TMTC1: variants seen among roughly 807,000 people sequenced by gnomAD.
TMTC1 encodes protein O-mannosyl-transferase TMTC1.
In TMTC1, 73 loss-of-function variants were observed where a neutral mutation model predicts 104.8. The ratio of observed to expected loss-of-function variants is 0.70; its 90% CI spans 0.58 to 0.85. TMTC1 has a LOEUF of 0.85. Ranked by LOEUF, TMTC1 falls within the 40% of genes least tolerant of loss-of-function variation. The pLI is 0.00. For missense variants in TMTC1, 1,035 were observed against 1,096.1 expected, an observed-to-expected ratio of 0.94 and a Z score of 0.79; for synonymous variants, 434 against 428.7, an observed-to-expected ratio of 1.01 and a Z score of -0.15.
intron 5 of TMTC1, among the ~76,000 whole-genome samples, chr12:29,668,624 C>G (rs1285038897): frequency 6.6e-6 from 1 of 152,062 alleles, no homozygotes; most frequent in East Asian, 1.9e-4. Flanking sequence ...CCATGCCTGG[C>G]TAATTTTTGT....
At chr12:29,713,476 C>T (rs1285943832) in intron 5 of TMTC1, among the ~76,000 whole-genome samples, 2 of 152,026 alleles carry the variant, frequency 1.3e-5, no homozygotes, top group Non-Finnish European at 2.9e-5. Context: ...TAACATCATG[C>T]ACTGACCATT....
At chr12:29,748,123 T>C (rs938921147) in intron 5 of TMTC1, among the ~76,000 whole-genome samples, 5 of 152,284 alleles carry the variant, frequency 3.3e-5, no homozygotes, top group Middle Eastern at 3.4e-3. Flanking sequence ...CAACTTTCCA[T>C]TGGGGGAAGA....
At chr12:29,655,456 T>C (rs1471643868) in intron 5 of TMTC1, among the ~76,000 whole-genome samples, 1 of 152,218 alleles carries the variant, frequency 6.6e-6, no homozygotes, top group African/African-American at 2.4e-5. Context: ...ACAACTATCA[T>C]GTTTCTGTAC....
intron 7 of TMTC1, among the ~76,000 whole-genome samples, chr12:29,591,849 T>C (rs1211784574): frequency 3.3e-5 from 5 of 152,230 alleles, no homozygotes; most frequent in South Asian, 4.1e-4. Context: ...AGCAGCGAAT[T>C]GTTGTGTAAT....
chr12:29,714,362 A>G (rs1057248962), intron 5 of TMTC1, among the ~76,000 whole-genome samples: 5 of 152,234 alleles, frequency 3.3e-5, no homozygotes, highest in African/African-American at 9.6e-5. Flanking sequence ...GGAATATTAA[A>G]AAGACATATA....
intron 13 of TMTC1, among the ~76,000 whole-genome samples, chr12:29,518,254 C>A (rs984209249): frequency 4.6e-5 from 7 of 152,166 alleles, no homozygotes. Flanking sequence ...TAAATTTCAA[C>A]CTTGGTTCAG....
At chr12:29,741,788 C>T (rs954955514) in intron 5 of TMTC1, among the ~76,000 whole-genome samples, 16 of 152,184 alleles carry the variant, frequency 1.1e-4, no homozygotes, top group Admixed American at 9.2e-4. Flanking sequence ...ACCATGATTA[C>T]GTCTACATTT....
intron 6 of TMTC1, among the ~76,000 whole-genome samples, chr12:29,604,644 A>G (rs1946651143): frequency 6.6e-6 from 1 of 152,194 alleles, no homozygotes; most frequent in African/African-American, 2.4e-5. Context: ...CAGACACCCC[A>G]TTCTCAAAGA....
At chr12:29,777,986 T>G (rs1943751344) in intron 1 of TMTC1, among the ~76,000 whole-genome samples, 1 of 152,240 alleles carries the variant, frequency 6.6e-6, no homozygotes, top group Non-Finnish European at 1.5e-5. Flanking sequence ...CTTATTTTCA[T>G]GGTTGGCATA....
intron 7 of TMTC1, among the ~76,000 whole-genome samples, chr12:29,584,615 C>T (rs779480350): frequency 2.1e-4 from 32 of 151,958 alleles, no homozygotes; most frequent in African/African-American, 6.0e-4. Flanking sequence ...ACAACAGTCC[C>T]GGTGTGTGAT....
At chr12:29,753,448 C>T (rs574409138) in intron 4 of TMTC1, among the ~76,000 whole-genome samples, 2 of 152,312 alleles carry the variant, frequency 1.3e-5, no homozygotes, top group South Asian at 2.1e-4. Context: ...TGGAGCCACG[C>T]GGACATGGGT....
At chr12:29,628,242 G>A (rs1287822529) in intron 6 of TMTC1, among the ~76,000 whole-genome samples, 3 of 152,136 alleles carry the variant, frequency 2.0e-5, no homozygotes, top group African/African-American at 2.4e-5. Context: ...GGATGGTGGT[G>A]GAGTTTTTCT....
intron 5 of TMTC1, among the ~76,000 whole-genome samples, chr12:29,653,468 T>C (rs1216703420): frequency 6.6e-6 from 1 of 152,186 alleles, no homozygotes; most frequent in Non-Finnish European, 1.5e-5. Flanking sequence ...GACAACTAAA[T>C]GGACAATTGG....
intron 17 of TMTC1, 82 bp downstream of exon 17, chr12:29,511,960 TC>T: frequency 7.8e-7 from 1 of 1,283,736 alleles, no homozygotes. Flanking sequence ...TAACAATAGT[TC>T]CTCAATCCTT....
At chr12:29,609,779 C>A (rs985775018) in intron 6 of TMTC1, 1 of 152,444 alleles carries the variant, frequency 6.6e-6, no homozygotes, top group African/African-American at 2.4e-5. Flanking sequence ...GAGCTCTGCA[C>A]AAATGTGCCT....
intron 5 of TMTC1, among the ~76,000 whole-genome samples, chr12:29,716,971 A>C (rs1942101929): frequency 6.6e-6 from 1 of 152,212 alleles, no homozygotes; most frequent in African/African-American, 2.4e-5. Context: ...GCCGAGATCG[A>C]GCCACTGCAC....
At chr12:29,598,331 T>A (rs539521473) in intron 7 of TMTC1, among the ~76,000 whole-genome samples, 49 of 152,292 alleles carry the variant, frequency 3.2e-4, no homozygotes, top group African/African-American at 1.1e-3. Context: ...CAGAGGTAAT[T>A]TTTCTCCTTT....
At chr12:29,719,301 C>T (rs558441956) in intron 5 of TMTC1, among the ~76,000 whole-genome samples, 27 of 152,214 alleles carry the variant, frequency 1.8e-4, no homozygotes, top group South Asian at 6.2e-4. Flanking sequence ...TAGCACTGAG[C>T]TCTTATTTCT....
chr12:29,746,825 G>A (rs76008846), intron 5 of TMTC1, among the ~76,000 whole-genome samples: 10,939 of 152,056 alleles, frequency 0.072, 618 homozygotes, highest in East Asian at 0.25. Context: ...CCATTATCTC[G>A]CCCACAGAAG....
Sources: gnomAD v4.1 joint callset for allele counts (sites outside exome capture counted in the v4.1 genomes callset) on GRCh38, gnomAD v4.1.1 for gene constraint, MANE v1.5 for transcripts, NCBI Gene and HGNC (gene_info 2026-07-23, HGNC 2026-07-21) for gene names.